The following LINGO2 variants were observed in gnomAD, a reference collection of about 807,000 sequenced individuals.
LINGO2 encodes the protein leucine-rich repeat and immunoglobulin-like domain-containing nogo receptor-interacting protein 2.
A neutral mutation model predicts 30.6 loss-of-function variants in LINGO2; 14 were observed. The observed-to-expected ratio is 0.46, with a 90% CI of 0.30 to 0.72. The LOEUF (loss-of-function observed/expected upper bound fraction) is 0.72, where lower values mean the gene tolerates loss of function less well. Ranked by LOEUF, LINGO2 falls within the 30% of genes least tolerant of loss-of-function variation. The pLI is 0.07. For missense variants in LINGO2, 729 were observed against 751.7 expected (o/e 0.97, Z 0.35); for synonymous variants, 317 against 288.5 (o/e 1.10, Z -1.00).
chr9:28,306,154 C>T (rs1824343585), intron 3 of LINGO2, among the ~76,000 whole-genome samples: 1 of 152,118 alleles, frequency 6.6e-6, no homozygotes, highest in Non-Finnish European at 1.5e-5. Context: ...TGTTGGTTTA[C>T]TTCCCCGTTC....
At chr9:28,067,731 A>AG (rs1426818773) in intron 4 of LINGO2, among the ~76,000 whole-genome samples, 1 of 152,194 alleles carries the variant, frequency 6.6e-6, no homozygotes, top group Non-Finnish European at 1.5e-5. Flanking sequence ...TGAGTCTTTA[A>AG]GGGCATGCTG....
chr9:28,744,092 CTA>C, the LINGO2 span, among the ~76,000 whole-genome samples: 622 of 132,164 alleles, frequency 4.7e-3, 7 homozygotes, highest in African/African-American at 0.017. Flanking sequence ...TCTTGAACTC[CTA>C]TATATATATA....
chr9:28,867,291 A>C, the LINGO2 span, among the ~76,000 whole-genome samples: 18 of 152,298 alleles, frequency 1.2e-4, no homozygotes, highest in African/African-American at 4.3e-4. Context: ...TGAAAAATGC[A>C]TATACAGTAA....
chr9:28,030,171 C>G (rs1420977397), intron 4 of LINGO2, among the ~76,000 whole-genome samples: 4 of 152,270 alleles, frequency 2.6e-5, no homozygotes, highest in Non-Finnish European at 5.9e-5. Flanking sequence ...ACTGCACAGA[C>G]AAGTGCTTAT....
chr9:28,335,036 T>C (rs191573040), intron 3 of LINGO2, among the ~76,000 whole-genome samples: 3 of 152,284 alleles, frequency 2.0e-5, no homozygotes. Context: ...GTTTCTTGCC[T>C]ATCCATATTG....
chr9:28,278,296 C>T (rs1193903967), intron 4 of LINGO2, among the ~76,000 whole-genome samples: 1 of 152,174 alleles, frequency 6.6e-6, no homozygotes, highest in African/African-American at 2.4e-5. Flanking sequence ...TTTAGAAGAT[C>T]TAGTTAAGAT....
chr9:28,726,378 C>T, the LINGO2 span, among the ~76,000 whole-genome samples: 1 of 152,104 alleles, frequency 6.6e-6, no homozygotes, highest in Non-Finnish European at 1.5e-5. Context: ...GTGTAATTCA[C>T]ATTTTCTGAC....
At chr9:28,938,229 C>T in the LINGO2 span, among the ~76,000 whole-genome samples, 1 of 152,190 alleles carries the variant, frequency 6.6e-6, no homozygotes, top group African/African-American at 2.4e-5. Context: ...CTGACCTCTG[C>T]AAAGATGGCT....
chr9:28,129,810 T>C lies in LINGO2; in HGVS notation c.-86-117405A>G, dbSNP rs1311393279. On this transcript the variant is annotated intron_variant, in intron 4 of 5. Transcript: ENST00000379992. This position sits in a 1 kb window ranked among gnomAD's most constrained non-coding sequence, Gnocchi z 4.0. ...AGCTTTTATTTTTTATATTGTTTAT[T>C]TTTGGTTTAAGAAGGTGAAAACATT... 6.6e-6 allele frequency: 1 copy of C among 152,198 alleles called. No individual in the cohort carries two copies. Among genetic ancestry groups the C allele is most frequent in the Non-Finnish European group, 1.5e-5 (1 of 68,034 alleles). 9.4% of individuals were successfully genotyped at this position (152,198 alleles called of 1,614,324 possible).
chr9:28,870,871 T>C, the LINGO2 span, among the ~76,000 whole-genome samples: 2 of 152,170 alleles, frequency 1.3e-5, no homozygotes, highest in East Asian at 1.9e-4. Flanking sequence ...TTCCATCAGA[T>C]TGGCAATAAT....
chr9:28,481,055 G>T (rs1825943632), intron 1 of LINGO2, among the ~76,000 whole-genome samples: 1 of 144,946 alleles, frequency 6.9e-6, no homozygotes, highest in Admixed American at 7.2e-5. Context: ...GATTTCTCAA[G>T]CTCCCCTGTG....
chr9:28,807,406 G>T, the LINGO2 span, among the ~76,000 whole-genome samples: 2 of 151,982 alleles, frequency 1.3e-5, no homozygotes, highest in South Asian at 2.1e-4. Context: ...CTCTGATAAG[G>T]GTTTATGTAA....
At chr9:28,201,753 T>C (rs986058163) in intron 4 of LINGO2, among the ~76,000 whole-genome samples, 4 of 152,046 alleles carry the variant, frequency 2.6e-5, no homozygotes, top group Non-Finnish European at 4.4e-5. Flanking sequence ...ATTTAGTTCT[T>C]CCTTTCCCCC....
intron 4 of LINGO2, among the ~76,000 whole-genome samples, chr9:28,045,051 C>A (rs1372147785): frequency 1.3e-5 from 2 of 152,058 alleles, no homozygotes; most frequent in African/African-American, 4.8e-5. Flanking sequence ...TCTGAGAAAG[C>A]CAGTGAACCA....
chr9:27,965,867 G>A (rs1188638972), intron 5 of LINGO2, among the ~76,000 whole-genome samples: 15 of 151,970 alleles, frequency 9.9e-5, no homozygotes, highest in Admixed American at 9.9e-4. Context: ...TCACAAATGC[G>A]ACACAAAATG....
chr9:28,467,703 T>A (rs1403652632), intron 2 of LINGO2, among the ~76,000 whole-genome samples: 2 of 152,084 alleles, frequency 1.3e-5, no homozygotes, highest in East Asian at 3.8e-4. Flanking sequence ...GTTGATCCAC[T>A]GGAATTTTTT....
intron 3 of LINGO2, among the ~76,000 whole-genome samples, chr9:28,316,708 A>G (rs1368123666): frequency 6.6e-6 from 1 of 152,142 alleles, no homozygotes; most frequent in African/African-American, 2.4e-5. Context: ...AGCAGAAGAG[A>G]TGAAGGAGAC....
chr9:29,077,160 A>G, the LINGO2 span, among the ~76,000 whole-genome samples: 21 of 152,192 alleles, frequency 1.4e-4, no homozygotes, highest in South Asian at 3.9e-3. Context: ...CTTATATCTA[A>G]TATTATTTGT....
chr9:28,630,526 C>G (rs1383338266), intron 1 of LINGO2, among the ~76,000 whole-genome samples: 1 of 151,952 alleles, frequency 6.6e-6, no homozygotes, highest in Non-Finnish European at 1.5e-5. Context: ...AGACATGATA[C>G]AACTCAAGCT....
Sources: allele counts gnomAD v4.1 joint callset (sites outside exome capture counted in the v4.1 genomes callset), GRCh38; gene constraint gnomAD v4.1.1; non-coding constraint Gnocchi (gnomAD v3.1); transcripts MANE v1.5; gene names NCBI Gene and HGNC (gene_info 2026-07-23, HGNC 2026-07-21).